Variants in CNKSR2 observed in about 807,000 individuals in gnomAD.
CNKSR2 encodes the protein CNK homolog protein 2.
CNKSR2 carries 14 observed loss-of-function variants against 84.4 expected under a neutral mutation model. The observed-to-expected ratio is 0.17, with a 90% CI of 0.11 to 0.26. The LOEUF (loss-of-function observed/expected upper bound fraction) is 0.26, where lower values mean the gene tolerates loss of function less well. Ranked by LOEUF, CNKSR2 falls within the 10% of genes least tolerant of loss-of-function variation. CNKSR2 has a pLI of 1.00. For missense variants in CNKSR2, 485 were observed against 771.2 expected (o/e 0.63, Z 4.40); for synonymous variants, 275 against 277.9 (o/e 0.99, Z 0.10).
In CNKSR2 at chrX:21,415,831, TATACACAC is replaced by T. The variant is rs1482485199; in HGVS notation, c.65-10664_65-10657del. 3.4e-4 allele frequency among the ~76,000 whole-genome samples: 18 copies of T among 52,395 alleles called. No individual in the cohort carries two copies. The South Asian group carries it at 5.4e-3, about 16-fold the overall frequency. The allele number at this position is 52,395 out of a possible 115,157, so 45.5% of individuals were successfully genotyped here. A position where few individuals can be genotyped will look rare whatever the true frequency, so the allele number is the denominator to read the frequency against. ...CATATATACAATACATATATACATA[TATACACAC>T]ACACACACACACACACACACACACA... On this transcript the variant is annotated intron_variant, in intron 1 of 21. Coordinates refer to ENST00000379510, the MANE Select transcript of CNKSR2 (RefSeq NM_014927.5).
chrX:21,511,650 A>T (rs1437721051), intron 8 of CNKSR2, among the ~76,000 whole-genome samples: 3 of 111,424 alleles, frequency 2.7e-5, no homozygotes, highest in African/African-American at 9.8e-5. Context: ...TTGCAAAGAT[A>T]CAGCTAAAGA....
At chrX:21,572,284 T>G (rs1428267666) in intron 13 of CNKSR2, among the ~76,000 whole-genome samples, 10 of 112,225 alleles carry the variant, frequency 8.9e-5, no homozygotes, top group African/African-American at 3.2e-4. Flanking sequence ...TTGATTCTTA[T>G]GGGCAAATAA....
rs149008180 is a variant in CNKSR2, at chrX:21,551,948, A to G, written c.1304-9523A>G. 5.1e-4 allele frequency among the ~76,000 whole-genome samples: 57 copies of G among 111,302 alleles called. No individual in the cohort carries two copies. In the East Asian group the frequency reaches 9.1e-3, roughly 18 times the overall value. ...ATACCAACATTTATTCACAGTTAGT[A>G]TATTCTCTGGACAGAAGTATTCATT... On this transcript the variant is annotated intron_variant, in intron 11 of 21. Coordinates refer to ENST00000379510, the MANE Select transcript of CNKSR2 (RefSeq NM_014927.5).
At position 21,531,962 on chromosome X, in the gene CNKSR2, C is replaced by A; in HGVS notation, c.1198C>A (p.Arg400=). 1 of 1,197,094 alleles carries A rather than the reference C, an allele frequency of 8.4e-7. No individual in the cohort carries two copies. The highest frequency in any genetic ancestry group is 1.1e-6 in the Non-Finnish European group (1 of 883,343). The change falls in exon 11 of 22, where the codon CGA becomes AGA. Residue 400 remains arginine, a synonymous_variant. Coordinates refer to ENST00000379510, the MANE Select transcript of CNKSR2 (RefSeq NM_014927.5). ...AAATTCATTTCTGGATCAGGAATAT[C>A]GAAAGAGATTTAATATTGTCGAAGA... ...SPNSFLDQEY[R]KRFNIVEEDT... is the part of the protein sequence containing the mutation.
At chrX:21,497,996 A>G (rs2091519798) in intron 7 of CNKSR2, 150 bp downstream of exon 7, 1 of 340,533 alleles carries the variant, frequency 2.9e-6, no homozygotes, top group Non-Finnish European at 5.2e-6. Flanking sequence ...AGTTAGTAGC[A>G]TTCATTCTGT....
intron 20 of CNKSR2, among the ~76,000 whole-genome samples, chrX:21,623,360 TA>T (rs776051246): frequency 7.2e-4 from 80 of 111,761 alleles, no homozygotes; most frequent in Non-Finnish European, 1.2e-3. Flanking sequence ...ATTGGGGTGA[TA>T]TTTGAGTATT....
chrX:21,622,533 A>G (rs1325555804), intron 20 of CNKSR2, among the ~76,000 whole-genome samples: 1 of 111,746 alleles, frequency 8.9e-6, no homozygotes, highest in Non-Finnish European at 1.9e-5. Context: ...TTTTAAAATC[A>G]TATCTTTAAT....
intron 13 of CNKSR2, among the ~76,000 whole-genome samples, chrX:21,584,050 T>C (rs1339103697): frequency 8.9e-6 from 1 of 112,455 alleles, no homozygotes; most frequent in African/African-American, 3.2e-5. Context: ...CATTCATAAC[T>C]CATATAATTA....
intron 1 of CNKSR2, among the ~76,000 whole-genome samples, chrX:21,403,475 C>T (rs2090220433): frequency 9.0e-6 from 1 of 111,403 alleles, no homozygotes; most frequent in Non-Finnish European, 1.9e-5. Context: ...ACTCCGATTT[C>T]ATGACGGTGA....
Position 21,422,504 on chromosome X carries a change from A to G in CNKSR2, c.65-3993A>G, listed in dbSNP as rs143254675. On this transcript the variant is annotated intron_variant, in intron 1 of 21. Coordinates refer to ENST00000379510, the MANE Select transcript of CNKSR2 (RefSeq NM_014927.5). ...CTGGAATTATAAACCCTGTTGATAG[A>G]CTGTAACATCCTTAAAGTCAGCAAA... Among the ~76,000 whole-genome samples, 422 of 112,207 alleles carry G rather than the reference A, an allele frequency of 3.8e-3. 1 individual carries two copies. The highest frequency in any genetic ancestry group is 0.013 in the African/African-American group (414 of 30,873).
chrX:21,470,388 A>G (rs1406576064), intron 4 of CNKSR2, among the ~76,000 whole-genome samples: 1 of 111,925 alleles, frequency 8.9e-6, no homozygotes, highest in African/African-American at 3.2e-5. Flanking sequence ...AATCTATAAT[A>G]AATTAGTATT....
At chrX:21,408,302 T>G (rs2090291923) in intron 1 of CNKSR2, among the ~76,000 whole-genome samples, 1 of 111,969 alleles carries the variant, frequency 8.9e-6, no homozygotes, top group Non-Finnish European at 1.9e-5. Flanking sequence ...GTTGGTTTCT[T>G]TCACAGGTTG....
At chrX:21,540,313 C>T (rs1201985839) in intron 11 of CNKSR2, among the ~76,000 whole-genome samples, 1 of 111,579 alleles carries the variant, frequency 9.0e-6, no homozygotes, top group East Asian at 2.8e-4. Flanking sequence ...CTTCTCAAGC[C>T]TATGTCTGAG....
intron 8 of CNKSR2, among the ~76,000 whole-genome samples, chrX:21,512,951 C>A (rs1957208843): frequency 8.9e-6 from 1 of 111,897 alleles, no homozygotes; most frequent in Non-Finnish European, 1.9e-5. Context: ...AAAACAATCT[C>A]TTTTTGCTTC....
At chrX:21,440,024 A>T (rs1335743006) in intron 3 of CNKSR2, among the ~76,000 whole-genome samples, 2 of 110,612 alleles carry the variant, frequency 1.8e-5, no homozygotes, top group African/African-American at 6.5e-5. Context: ...TACCAAACTA[A>T]ATCTAAACGT....
At chrX:21,415,339 T>C (rs2090401849) in intron 1 of CNKSR2, among the ~76,000 whole-genome samples, 1 of 110,668 alleles carries the variant, frequency 9.0e-6, no homozygotes, top group South Asian at 3.8e-4. Flanking sequence ...TACTTTATTT[T>C]CTCTTTCAGG....
At chrX:21,604,881 C>T (rs1033278830) in intron 18 of CNKSR2, among the ~76,000 whole-genome samples, 2 of 111,453 alleles carry the variant, frequency 1.8e-5, no homozygotes, top group Non-Finnish European at 3.8e-5. Context: ...CTGGGCCTTG[C>T]TACAAGAAAA....
chrX:21,389,771 T>C (rs1382711629), intron 1 of CNKSR2, among the ~76,000 whole-genome samples: 1 of 112,529 alleles, frequency 8.9e-6, no homozygotes, highest in African/African-American at 3.2e-5. Flanking sequence ...GCCTTACCAC[T>C]TTTCTTTTTT....
chrX:21,479,932 C>T (rs1305608587), intron 5 of CNKSR2, among the ~76,000 whole-genome samples: 1 of 110,919 alleles, frequency 9.0e-6, no homozygotes, highest in African/African-American at 3.3e-5. Context: ...ACTGCATGAT[C>T]TGGACATGTG....
Sources: gnomAD v4.1 joint callset for allele counts (sites outside exome capture counted in the v4.1 genomes callset) on GRCh38, gnomAD v4.1.1 for gene constraint, MANE v1.5 for transcripts, NCBI Gene and HGNC (gene_info 2026-07-23, HGNC 2026-07-21) for gene names.